Variants in MACROD1 observed in about 807,000 individuals in gnomAD.
MACROD1 encodes the protein mono-ADP ribosylhydrolase 1, also known as ADP-ribose glycohydrolase MACROD1.
MACROD1 carries 31 observed loss-of-function variants against 41.4 expected under a neutral mutation model. The ratio of observed to expected loss-of-function variants is 0.75; its 90% CI spans 0.56 to 1.01. The LOEUF (loss-of-function observed/expected upper bound fraction) is 1.01, where lower values mean the gene tolerates loss of function less well. MACROD1 is among the 50% of genes least tolerant of loss of function. The probability of loss-of-function intolerance (pLI) is 0.00; values close to 1 mark genes in which losing one functional copy is unlikely to be tolerated. For missense variants in MACROD1, 473 were observed against 460.0 expected, an observed-to-expected ratio of 1.03 and a Z score of -0.26; for synonymous variants, 252 against 203.4, an observed-to-expected ratio of 1.24 and a Z score of -2.03.
At chr11:64,016,636 G>C (rs1007477346) in intron 3 of MACROD1, among the ~76,000 whole-genome samples, 10 of 152,260 alleles carry the variant, frequency 6.6e-5, no homozygotes, top group Non-Finnish European at 1.5e-4. Context: ...TCTTCGCTTG[G>C]GGAATAATTA....
At chr11:64,163,505 T>A (rs1426949798) in intron 1 of MACROD1, among the ~76,000 whole-genome samples, 1 of 152,122 alleles carries the variant, frequency 6.6e-6, no homozygotes, top group Non-Finnish European at 1.5e-5. Context: ...TCACGATCCC[T>A]CTCGTGGAGC....
intron 3 of MACROD1, among the ~76,000 whole-genome samples, chr11:64,029,202 G>C (rs1473489566): frequency 6.6e-6 from 1 of 152,218 alleles, no homozygotes; most frequent in African/African-American, 2.4e-5. Context: ...CCGGGTGCTG[G>C]GATGTGGGCG....
chr11:63,998,928 G>A (rs923619695), intron 9 of MACROD1, 27 bp downstream of exon 9: 2 of 1,557,222 alleles, frequency 1.3e-6, no homozygotes, highest in Non-Finnish European at 1.7e-6. Context: ...GGCAGGGGCG[G>A]GCCGTGGGGC....
Position 64,160,420 on chromosome 11 carries a change from G to A in MACROD1, c.298+5277C>T, listed in dbSNP as rs570012775. On this transcript the variant is annotated intron_variant, in intron 1 of 10. Transcript: ENST00000255681. ...GTTTGGTTACTGTGTGCCAGGCTTT[G>A]AGAGAGGATCCTCTCAGGCAGACAA... is the stretch of plus-strand genomic sequence containing the variant. Among the ~76,000 whole-genome samples, 9 of 152,282 alleles carry A rather than the reference G, an allele frequency of 5.9e-5. No individual in the cohort carries two copies. The East Asian group carries it at 1.7e-3, about 29-fold the overall frequency.
chr11:64,034,637 G>A (rs1034561412), intron 3 of MACROD1, among the ~76,000 whole-genome samples: 2 of 152,182 alleles, frequency 1.3e-5, no homozygotes, highest in African/African-American at 4.8e-5. Context: ...GAGGGGGAGA[G>A]GTGCTGGAGT....
intron 3 of MACROD1, among the ~76,000 whole-genome samples, chr11:64,083,940 A>G (rs1944347603): frequency 6.6e-6 from 1 of 152,198 alleles, no homozygotes; most frequent in Non-Finnish European, 1.5e-5. Context: ...CATATGCGGC[A>G]GCCCGGCGCT....
chr11:64,157,115 CAG>C (rs1320931473), intron 1 of MACROD1, among the ~76,000 whole-genome samples: 1 of 151,882 alleles, frequency 6.6e-6, no homozygotes, highest in African/African-American at 2.4e-5. Context: ...TTTTTTGAGA[CAG>C]AGTCTCACTC....
chr11:64,118,550 G>A (rs1353120939), intron 3 of MACROD1: 1 of 430,542 alleles, frequency 2.3e-6, no homozygotes, highest in Non-Finnish European at 4.2e-6. Context: ...TGCCAGTTGG[G>A]GAGGGAAGGA....
At chr11:64,092,091 TC>T (rs1042468311) in intron 3 of MACROD1, among the ~76,000 whole-genome samples, 23 of 152,164 alleles carry the variant, frequency 1.5e-4, no homozygotes. Flanking sequence ...TCTGGTGTAT[TC>T]AAAAGGCCAC....
intron 3 of MACROD1, among the ~76,000 whole-genome samples, chr11:64,149,530 G>A (rs1175420519): frequency 1.3e-5 from 2 of 152,178 alleles, no homozygotes; most frequent in African/African-American, 4.8e-5. Flanking sequence ...TGCAGCCTCC[G>A]GAGCGCCCCC....
At chr11:64,068,443 TAA>T (rs1944045530) in intron 3 of MACROD1, among the ~76,000 whole-genome samples, 1 of 152,176 alleles carries the variant, frequency 6.6e-6, no homozygotes, top group Non-Finnish European at 1.5e-5. Context: ...TAGCAAGGAA[TAA>T]AAGAGTCTGG....
intron 3 of MACROD1, among the ~76,000 whole-genome samples, chr11:64,051,924 G>A (rs1943702696): frequency 6.6e-6 from 1 of 151,810 alleles, no homozygotes; most frequent in South Asian, 2.1e-4. Flanking sequence ...GGTAGAGACT[G>A]GATACTCCAA....
rs551746478 is a variant in MACROD1 at position 64,153,354 on chromosome 11, A to G, written c.299-961T>C. 2.8e-4 allele frequency among the ~76,000 whole-genome samples: 42 copies of G among 152,280 alleles called. No individual in the cohort carries two copies. In the Middle Eastern group the frequency reaches 0.014, roughly 49 times the overall value. ...CCCACGGCAAACAGCAAAGGCTACAATTGAGAAACTCAAAAAGCATCAAAA... is the reference window on the plus strand; with the variant it reads ...CCCACGGCAAACAGCAAAGGCTACAGTTGAGAAACTCAAAAAGCATCAAAA... On this transcript the variant is annotated intron_variant, in intron 1 of 10. Transcript: ENST00000255681.
chr11:64,131,577 C>T (rs888396898), intron 3 of MACROD1, among the ~76,000 whole-genome samples: 4 of 152,288 alleles, frequency 2.6e-5, no homozygotes, highest in South Asian at 4.1e-4. Context: ...CCACCCGCAT[C>T]GGCCTCCCAA....
chr11:64,059,916 G>T (rs1476438095), intron 3 of MACROD1, among the ~76,000 whole-genome samples: 1 of 152,142 alleles, frequency 6.6e-6, no homozygotes, highest in African/African-American at 2.4e-5. Context: ...GCTGGCAACC[G>T]CGACCTCCTG....
intron 3 of MACROD1, among the ~76,000 whole-genome samples, chr11:64,041,530 G>A (rs1259402755): frequency 1.3e-5 from 2 of 152,036 alleles, no homozygotes; most frequent in Non-Finnish European, 2.9e-5. Flanking sequence ...GGGACACCTG[G>A]CTGGTTCTGA....
chr11:64,017,397 A>G (rs1943096042), intron 3 of MACROD1, among the ~76,000 whole-genome samples: 4 of 152,154 alleles, frequency 2.6e-5, no homozygotes, highest in Admixed American at 2.6e-4. Context: ...TTTACAGAGA[A>G]GGAGACTGAG....
chr11:64,004,733 G>A (rs1241112679), intron 4 of MACROD1, among the ~76,000 whole-genome samples: 1 of 152,116 alleles, frequency 6.6e-6, no homozygotes, highest in Non-Finnish European at 1.5e-5. Flanking sequence ...TAACCTCTCT[G>A]AGTCTCAGAG....
chr11:63,999,502 C>G, intron 7 of MACROD1, 28 bp downstream of exon 7: 1 of 1,598,502 alleles, frequency 6.3e-7, no homozygotes, highest in Non-Finnish European at 8.5e-7. Flanking sequence ...CCGCCCACTC[C>G]TGGTCCTTGC....
Sources: gnomAD v4.1 joint callset for allele counts (sites outside exome capture counted in the v4.1 genomes callset) on GRCh38, gnomAD v4.1.1 for gene constraint, MANE v1.5 for transcripts, NCBI Gene and HGNC (gene_info 2026-07-23, HGNC 2026-07-21) for gene names.